The following DLGAP2 variants were observed in gnomAD, a reference collection of about 807,000 sequenced individuals.
DLGAP2 encodes the protein disks large-associated protein 2.
A neutral mutation model predicts 100.3 loss-of-function variants in DLGAP2; 26 were observed. The observed-to-expected ratio is 0.26, with a 90% CI of 0.19 to 0.36. The LOEUF (loss-of-function observed/expected upper bound fraction) is 0.36, where lower values mean the gene tolerates loss of function less well. Ranked by LOEUF, DLGAP2 falls within the 10% of genes least tolerant of loss-of-function variation. The probability of loss-of-function intolerance (pLI) is 1.00; values close to 1 mark genes in which losing one functional copy is unlikely to be tolerated. For missense variants in DLGAP2, 1,858 were observed against 1,453.2 expected (o/e 1.28, Z -4.53); for synonymous variants, 886 against 630.1 (o/e 1.41, Z -6.08).
At chr8:1,290,424 G>T (rs1800033541) in intron 3 of DLGAP2, among the ~76,000 whole-genome samples, 1 of 152,192 alleles carries the variant, frequency 6.6e-6, no homozygotes, top group Non-Finnish European at 1.5e-5. Context: ...CTGCACTCCT[G>T]CCATTCCACG....
intron 2 of DLGAP2, among the ~76,000 whole-genome samples, chr8:914,871 A>G (rs1798558310): frequency 6.6e-6 from 1 of 152,146 alleles, no homozygotes; most frequent in Admixed American, 6.5e-5. Context: ...TGTGGTGCAG[A>G]TCTGTGGGGC....
chr8:1,668,259 G>C, intron 8 of DLGAP2, 70 bp from the exon 9 acceptor site: 1 of 1,378,622 alleles, frequency 7.3e-7, no homozygotes, highest in South Asian at 1.5e-5. Flanking sequence ...GCATGGGCGT[G>C]GGGAAACAGT....
At chr8:1,004,358 T>G (rs1197637815) in intron 2 of DLGAP2, among the ~76,000 whole-genome samples, 6 of 152,260 alleles carry the variant, frequency 3.9e-5, no homozygotes, top group Non-Finnish European at 8.8e-5. Flanking sequence ...ATAAATTTGG[T>G]AAGCTACAGT....
rs756792018 is a variant in DLGAP2, at chr8:998,083, ACC to A, written c.73+90119_73+90120del. Among the ~76,000 whole-genome samples the A allele has an allele frequency of 3.2e-3, 481 of 152,170 alleles. 5 individuals carry two copies. Among genetic ancestry groups the A allele is most frequent in the Non-Finnish European group, 4.9e-3 (336 of 68,010 alleles). On this transcript the variant is annotated intron_variant, in intron 2 of 14. Coordinates refer to ENST00000637795, the MANE Select transcript of DLGAP2 (RefSeq NM_001346810.2). ...AACATATACACATGCATGTGCACAC[ACC>A]CGTGTCTGCACAGAAACATACACAC...
At chr8:1,621,205 C>T (rs1298776170) in intron 6 of DLGAP2, 1 of 152,224 alleles carries the variant, frequency 6.6e-6, no homozygotes, top group Non-Finnish European at 1.5e-5. Context: ...GCACATCCTT[C>T]AAACCTGCCC....
In DLGAP2 at chr8:860,817, G is replaced by A. The variant is rs145112377; in HGVS notation, c.19-47095G>A. On this transcript the variant is annotated intron_variant, in intron 1 of 14. Transcript: ENST00000637795. ...GTGGCGGGGAGTCAGTGAGAAAGAC[G>A]GAGAAGAAGCAGACAAATCATGCCG... Among the ~76,000 whole-genome samples the A allele has an allele frequency of 4.6e-5, 7 of 152,248 alleles. No homozygotes were observed. In the East Asian group the frequency reaches 1.4e-3, roughly 29 times the overall value.
chr8:811,659 G>C lies in DLGAP2; in HGVS notation c.18+73834G>C, dbSNP rs755493861. 2.7e-5 allele frequency among the ~76,000 whole-genome samples: 4 copies of C among 149,306 alleles called. No homozygotes were observed. The East Asian group carries it at 6.1e-4, about 23-fold the overall frequency. On this transcript the variant is annotated intron_variant, in intron 1 of 14. Coordinates refer to ENST00000637795, the MANE Select transcript of DLGAP2 (RefSeq NM_001346810.2). ...GGAATGAGCAGGAACTATCTGGGGG[G>C]CCCTGCCAGGGCTCCTGCCGTGGTG...
chr8:1,142,851 C>T (rs1164693146), intron 2 of DLGAP2, among the ~76,000 whole-genome samples: 3 of 152,158 alleles, frequency 2.0e-5, no homozygotes, highest in Non-Finnish European at 4.4e-5. Flanking sequence ...ATGCTGGGAT[C>T]ATGGCGTGGG....
intron 6 of DLGAP2, among the ~76,000 whole-genome samples, chr8:1,577,566 T>TCAAAA (rs1554501562): frequency 1.9e-5 from 1 of 53,608 alleles, no homozygotes; most frequent in African/African-American, 2.0e-4. Context: ...ACACTCTCTC[T>TCAAAA]CAAAAAAAAA....
At chr8:1,379,126 C>G (rs1045532282) in intron 3 of DLGAP2, among the ~76,000 whole-genome samples, 1 of 152,276 alleles carries the variant, frequency 6.6e-6, no homozygotes, top group African/African-American at 2.4e-5. Context: ...GGTGAGGAGA[C>G]AAGGCCAGTT....
chr8:921,954 G>C (rs1363297282), intron 2 of DLGAP2, among the ~76,000 whole-genome samples: 3 of 152,248 alleles, frequency 2.0e-5, no homozygotes, highest in African/African-American at 7.2e-5. Context: ...TTATCCTATG[G>C]GTGGGAGCCG....
chr8:1,120,939 A>G (rs888285271), intron 2 of DLGAP2, among the ~76,000 whole-genome samples: 12 of 150,398 alleles, frequency 8.0e-5, no homozygotes, highest in East Asian at 2.0e-4. Context: ...ATGACCTGCC[A>G]TCCTTATCCC....
chr8:1,664,045 A>C (rs1021913359), intron 8 of DLGAP2, among the ~76,000 whole-genome samples: 24 of 152,156 alleles, frequency 1.6e-4, no homozygotes, highest in African/African-American at 5.5e-4. Context: ...GGTTTTGTTG[A>C]TGACAACTGA....
chr8:1,535,488 G>C (rs1801126458), intron 4 of DLGAP2, among the ~76,000 whole-genome samples: 1 of 152,214 alleles, frequency 6.6e-6, no homozygotes, highest in African/African-American at 2.4e-5. Context: ...TGTTGTTCAT[G>C]CTGTCAGATG....
chr8:1,140,238 G>A (rs898442899), intron 2 of DLGAP2, among the ~76,000 whole-genome samples: 1 of 152,116 alleles, frequency 6.6e-6, no homozygotes, highest in Non-Finnish European at 1.5e-5. Context: ...CTCTGCCGAG[G>A]GCATTCCTGG....
At chr8:823,767 G>C (rs922469156) in intron 1 of DLGAP2, among the ~76,000 whole-genome samples, 1 of 152,142 alleles carries the variant, frequency 6.6e-6, no homozygotes, top group Non-Finnish European at 1.5e-5. Context: ...TTCGCAGCAC[G>C]GGGAGCTGTC....
At chr8:1,048,400 A>G (rs12677735) in intron 2 of DLGAP2, among the ~76,000 whole-genome samples, 5,319 of 152,072 alleles carry the variant, frequency 0.035, 247 homozygotes, top group East Asian at 0.16. Context: ...TCCTGGTCTC[A>G]GTAAGTGCTG....
chr8:745,670 GA>G (rs1382271842), intron 1 of DLGAP2, among the ~76,000 whole-genome samples: 2 of 152,128 alleles, frequency 1.3e-5, no homozygotes, highest in Non-Finnish European at 2.9e-5. Context: ...TATAATATTG[GA>G]AAACAGCAGT....
At chr8:805,168 T>A (rs1253157743) in intron 1 of DLGAP2, among the ~76,000 whole-genome samples, 1 of 152,248 alleles carries the variant, frequency 6.6e-6, no homozygotes, top group African/African-American at 2.4e-5. Flanking sequence ...GTAGAGTTTT[T>A]CTTTTCTCAT....
Sources: allele counts gnomAD v4.1 joint callset (sites outside exome capture counted in the v4.1 genomes callset), GRCh38; gene constraint gnomAD v4.1.1; transcripts MANE v1.5; gene names NCBI Gene and HGNC (gene_info 2026-07-23, HGNC 2026-07-21).